ATP8A2: variants seen among roughly 807,000 people sequenced by gnomAD.
ATP8A2 encodes the protein phospholipid-transporting ATPase IB.
Under a neutral mutation model 165.6 loss-of-function variants are expected in ATP8A2, and 100 were observed. The ratio of observed to expected loss-of-function variants is 0.60; its 90% confidence interval spans 0.51 to 0.71. The LOEUF is 0.71. Ranked by LOEUF, ATP8A2 falls within the 30% of genes least tolerant of loss-of-function variation. The probability of loss-of-function intolerance (pLI) is 0.00; values close to 1 mark genes in which losing one functional copy is unlikely to be tolerated. For synonymous variants in ATP8A2, 543 were observed against 548.8 expected, an observed-to-expected ratio of 0.99 and a Z score of 0.15; for missense variants, 1,227 against 1,479.5, an observed-to-expected ratio of 0.83 and a Z score of 2.80.
chr13:25,451,268 T>C (rs1413510075), intron 1 of ATP8A2, among the ~76,000 whole-genome samples: 1 of 152,150 alleles, frequency 6.6e-6, no homozygotes, highest in Non-Finnish European at 1.5e-5. Flanking sequence ...TGTTCTAGTT[T>C]CCATTACAAA....
At chr13:25,927,831 C>T (rs963405174) in intron 33 of ATP8A2, among the ~76,000 whole-genome samples, 5 of 152,210 alleles carry the variant, frequency 3.3e-5, no homozygotes, top group East Asian at 1.9e-4. Context: ...GATGAAATTG[C>T]GATTGCTTTG....
chr13:25,778,032 CA>C (rs1236421016), intron 27 of ATP8A2, among the ~76,000 whole-genome samples: 2 of 152,164 alleles, frequency 1.3e-5, no homozygotes, highest in Non-Finnish European at 2.9e-5. Flanking sequence ...CAACTCATTT[CA>C]CCTGACAGTG....
intron 27 of ATP8A2, among the ~76,000 whole-genome samples, chr13:25,790,956 G>A (rs753244816): frequency 1.3e-5 from 2 of 152,170 alleles, no homozygotes; most frequent in Non-Finnish European, 2.9e-5. Context: ...TTCAACCATT[G>A]TGGAAAAACA....
chr13:25,537,880 G>A lies in ATP8A2; in HGVS notation c.508-108G>A, dbSNP rs2038338942. The A allele has an allele frequency of 1.8e-5, 12 of 661,314 alleles. No individual in the cohort carries two copies. In the East Asian group the frequency reaches 3.4e-4, roughly 18 times the overall value. 41.0% of individuals were successfully genotyped at this position (661,314 alleles called of 1,614,324 possible). The stretch of plus-strand genomic sequence containing the variant: ...GGGCTTCTCTATCTTAAACTTCATG[G>A]CTTAGTTATATAATAATTTTTTCTT... On this transcript the variant is annotated intron_variant, in intron 6 of 36. Transcript: ENST00000381655.
chr13:25,659,957 GCCATTTTTTC>G (rs1402136536), intron 24 of ATP8A2, among the ~76,000 whole-genome samples: 1 of 152,126 alleles, frequency 6.6e-6, no homozygotes, highest in African/African-American at 2.4e-5. Context: ...TTTGCTATTA[GCCATTTTTTC>G]CCTTTTATTT....
rs532296741 is a variant in ATP8A2 at position 25,703,487 on chromosome 13, G to A, written c.2384+4142G>A. On this transcript the variant is annotated intron_variant, in intron 25 of 36. Coordinates refer to ENST00000381655, the MANE Select transcript of ATP8A2 (RefSeq NM_016529.6). ...ATACACCCAAAAGAATTAAAAACAG[G>A]CACTCAAACAAATACTTGTATGTGC... is the stretch of plus-strand genomic sequence containing the variant. Among the ~76,000 whole-genome samples the A allele has an allele frequency of 6.6e-5, 10 of 152,222 alleles. No individual in the cohort carries two copies. In the South Asian group the frequency reaches 2.1e-3, roughly 32 times the overall value.
chr13:25,797,891 G>A lies in ATP8A2; in HGVS notation c.2679+22932G>A, dbSNP rs374201265. On this transcript the variant is annotated intron_variant, in intron 27 of 36. Transcript: ENST00000381655. ...TGAAGGGAGAAATTGTATAGAATTA[G>A]CAGTTGATTCCGTTTGGACTGTGAA... 4.1e-4 allele frequency among the ~76,000 whole-genome samples: 63 copies of A among 152,196 alleles called. 1 individual carries two copies. Among genetic ancestry groups the A allele is most frequent in the South Asian group, 3.1e-3 (15 of 4,822 alleles).
At chr13:25,407,443 C>T (rs2033837806) in intron 1 of ATP8A2, among the ~76,000 whole-genome samples, 1 of 152,154 alleles carries the variant, frequency 6.6e-6, no homozygotes, top group South Asian at 2.1e-4. Context: ...TTGGAAAGTG[C>T]AATTTGCATC....
intron 24 of ATP8A2, among the ~76,000 whole-genome samples, chr13:25,664,526 G>T (rs1297062156): frequency 6.6e-6 from 1 of 152,128 alleles, no homozygotes; most frequent in Non-Finnish European, 1.5e-5. Context: ...GAGACAAGCT[G>T]TACCAGTAAG....
At chr13:25,764,041 A>G (rs1336805935) in intron 25 of ATP8A2, among the ~76,000 whole-genome samples, 1 of 152,366 alleles carries the variant, frequency 6.6e-6, no homozygotes, top group South Asian at 2.1e-4. Flanking sequence ...AACTATTTCA[A>G]TAAGAAAATC....
At position 25,622,520 on chromosome 13, in the gene ATP8A2, A is replaced by G. The variant is rs866260612; in HGVS notation, c.2211+32821A>G. Among the ~76,000 whole-genome samples the G allele has an allele frequency of 1.7e-4, 26 of 152,186 alleles. 1 individual carries two copies. Among genetic ancestry groups the G allele is most frequent in the Middle Eastern group, 6.3e-3 (2 of 316 alleles). Reference sequence around the variant, plus strand: ...CCATACTTTGGGAAATGGTGAAATAATCTGAAACAGAAATGTTTATACAGG... The same window carrying G: ...CCATACTTTGGGAAATGGTGAAATAGTCTGAAACAGAAATGTTTATACAGG... On this transcript the variant is annotated intron_variant, in intron 24 of 36. Coordinates refer to ENST00000381655, the MANE Select transcript of ATP8A2 (RefSeq NM_016529.6).
chr13:25,683,952 A>G (rs1218445040), intron 24 of ATP8A2, among the ~76,000 whole-genome samples: 2 of 152,234 alleles, frequency 1.3e-5, no homozygotes, highest in Non-Finnish European at 2.9e-5. Flanking sequence ...TTTCTTCCTT[A>G]AAGAGAATCA....
At chr13:25,417,551 A>C (rs2034170310) in intron 1 of ATP8A2, among the ~76,000 whole-genome samples, 1 of 90,626 alleles carries the variant, frequency 1.1e-5, no homozygotes, top group Non-Finnish European at 2.4e-5. Context: ...TTAACACTCC[A>C]AATTTGATAA....
intron 1 of ATP8A2, among the ~76,000 whole-genome samples, chr13:25,388,521 G>A: frequency 6.6e-6 from 1 of 152,154 alleles, no homozygotes; most frequent in East Asian, 1.9e-4. Flanking sequence ...CAGGGAGTAC[G>A]TGACTGGGGG....
chr13:26,014,167 C>T (rs1028121056), intron 36 of ATP8A2, among the ~76,000 whole-genome samples: 2 of 152,190 alleles, frequency 1.3e-5, no homozygotes. Flanking sequence ...CCTGCTTTTT[C>T]GTGACCTTGG....
Position 25,506,661 on chromosome 13 carries a change from C to T in ATP8A2, c.222-23338C>T, listed in dbSNP as rs540772283. ...TCTCTGTTTCTCCTCGTGTGGAACA[C>T]GGCTGTGGATCTGAAGAGGAGCAGC... On this transcript the variant is annotated intron_variant, in intron 2 of 36. Coordinates refer to ENST00000381655, the MANE Select transcript of ATP8A2 (RefSeq NM_016529.6). 6.6e-5 allele frequency among the ~76,000 whole-genome samples: 10 copies of T among 152,274 alleles called. No homozygotes were observed. The South Asian group carries it at 8.3e-4, about 13-fold the overall frequency.
At chr13:26,004,880 C>G (rs549324589) in intron 35 of ATP8A2, among the ~76,000 whole-genome samples, 1 of 152,078 alleles carries the variant, frequency 6.6e-6, no homozygotes, top group East Asian at 1.9e-4. Flanking sequence ...TTGTTAAGTT[C>G]AGTTTGCTAA....
intron 2 of ATP8A2, among the ~76,000 whole-genome samples, chr13:25,501,547 A>G (rs951374361): frequency 5.9e-5 from 9 of 152,192 alleles, no homozygotes; most frequent in African/African-American, 2.2e-4. Context: ...GTTGTTTGCT[A>G]TTTCTAGGAA....
At chr13:26,017,791 A>G (rs748076036) in intron 36 of ATP8A2, among the ~76,000 whole-genome samples, 1 of 152,200 alleles carries the variant, frequency 6.6e-6, no homozygotes, top group Admixed American at 6.5e-5. Flanking sequence ...TCCGCCCCCA[A>G]GGGAGCTCCC....
Sources: gnomAD v4.1 joint callset for allele counts (sites outside exome capture counted in the v4.1 genomes callset) on GRCh38, gnomAD v4.1.1 for gene constraint, MANE v1.5 for transcripts, NCBI Gene and HGNC (gene_info 2026-07-23, HGNC 2026-07-21) for gene names.